Variants in MYL4 observed in about 807,000 individuals in gnomAD.
MYL4 encodes the protein atrial myosin light chain 1.
In MYL4, 16 loss-of-function variants were observed where a neutral mutation model predicts 21.6. That is an observed-to-expected ratio of 0.74 (90% CI 0.50 to 1.12). The LOEUF (loss-of-function observed/expected upper bound fraction) is 1.12. MYL4 is among the 50% of genes most tolerant of loss of function. The pLI, the probability that MYL4 is intolerant of heterozygous loss-of-function variation, is 0.00. For synonymous variants in MYL4, 82 were observed against 95.7 expected, an observed-to-expected ratio of 0.86 and a Z score of 0.83; for missense variants, 249 against 252.9, an observed-to-expected ratio of 0.98 and a Z score of 0.11.
the MYL4 span, among the ~76,000 whole-genome samples, chr17:47,190,619 G>C: frequency 0.081 from 12,325 of 152,136 alleles, 575 homozygotes; most frequent in African/African-American, 0.11. Flanking sequence ...CCACCGCCTT[G>C]TCTTGTCACT....
chr17:47,210,596 G>T lies in MYL4; in HGVS notation c.135+1039G>T, dbSNP rs139344140. On this transcript the variant is annotated intron_variant, in intron 1 of 6. Transcript: ENST00000393450. Reference sequence around the variant, plus strand: ...AAATAAGAGCACAGGACAAGGTTCTGTGACAAGCAGGCAGGGAAATTAAAA... The same window carrying T: ...AAATAAGAGCACAGGACAAGGTTCTTTGACAAGCAGGCAGGGAAATTAAAA... Among the ~76,000 whole-genome samples the T allele has an allele frequency of 2.8e-3, 429 of 152,222 alleles. 1 individual carries two copies. Among genetic ancestry groups the T allele is most frequent in the Non-Finnish European group, 4.7e-3 (317 of 68,010 alleles).
chr17:47,210,731 A>AGGAGTTAAGGT (rs6146076), intron 1 of MYL4, among the ~76,000 whole-genome samples: 101,574 of 151,622 alleles, frequency 0.67, 34,539 homozygotes, highest in East Asian at 0.86. Context: ...CGCAAGGGAC[A>AGGAGTTAAGGT]GGAACTGCTT....
downstream of MYL4, among the ~76,000 whole-genome samples, chr17:47,224,615 GAC>G (rs1297735164): frequency 6.6e-6 from 1 of 152,166 alleles, no homozygotes; most frequent in Non-Finnish European, 1.5e-5. Context: ...AGTGAAATCA[GAC>G]AGTGTTTGTC....
intron 5 of MYL4, 121 bp from the exon 6 acceptor site, chr17:47,222,893 A>G: frequency 8.0e-7 from 1 of 1,244,580 alleles, no homozygotes; most frequent in Non-Finnish European, 1.2e-6. Context: ...AGCAGGAACT[A>G]CACAGTCTGG....
chr17:47,194,274 G>A, the MYL4 span, among the ~76,000 whole-genome samples: 1 of 152,162 alleles, frequency 6.6e-6, no homozygotes, highest in Non-Finnish European at 1.5e-5. Context: ...TTGCCCAAAA[G>A]ATTAGATAAG....
intron 1 of MYL4, among the ~76,000 whole-genome samples, chr17:47,211,698 C>A (rs1267304876): frequency 6.6e-6 from 1 of 152,138 alleles, no homozygotes; most frequent in Non-Finnish European, 1.5e-5. Context: ...ACTGCCCCAA[C>A]CTATCCCCAG....
chr17:47,219,879 G>A (rs2064841727), intron 2 of MYL4, 25 bp from the exon 3 acceptor site: 13 of 1,614,194 alleles, frequency 8.1e-6, no homozygotes, highest in Non-Finnish European at 1.1e-5. Flanking sequence ...GGATTGGAAG[G>A]TATAGCTGGG....
chr17:47,221,258 A>G (rs1363818629), intron 3 of MYL4, among the ~76,000 whole-genome samples: 1 of 152,064 alleles, frequency 6.6e-6, no homozygotes, highest in Non-Finnish European at 1.5e-5. Flanking sequence ...TGCTTTTTTC[A>G]ATCCTGTTGG....
intron 2 of MYL4, among the ~76,000 whole-genome samples, chr17:47,219,224 G>A (rs1337399347): frequency 6.6e-6 from 1 of 152,230 alleles, no homozygotes; most frequent in South Asian, 2.1e-4. Flanking sequence ...CTTTCCAGCG[G>A]TCTTATCACT....
At chr17:47,209,093 T>A (rs1033678406), upstream of MYL4, 5 of 444,036 alleles carry the variant, frequency 1.1e-5, no homozygotes, top group African/African-American at 1.0e-4. Flanking sequence ...TTTGAGAAGG[T>A]CTGTTTCCCT....
chr17:47,217,916 C>A (rs1045399468), intron 2 of MYL4, among the ~76,000 whole-genome samples: 13 of 152,036 alleles, frequency 8.6e-5, no homozygotes, highest in Admixed American at 8.5e-4. Context: ...GCCTGTAATG[C>A]CTGTAATCCT....
intron 1 of MYL4, 59 bp downstream of exon 1, chr17:47,209,616 C>G (rs1343772716): frequency 1.2e-6 from 2 of 1,613,722 alleles, no homozygotes; most frequent in Admixed American, 3.3e-5. Context: ...TCCTTTTGCT[C>G]TGGAGCTTAG....
At chr17:47,208,553 A>G (rs1043829227), upstream of MYL4, among the ~76,000 whole-genome samples, 29 of 44,616 alleles carry the variant, frequency 6.5e-4, no homozygotes, top group Admixed American at 4.3e-3. Context: ...TAAGCACTAC[A>G]CACACACACA....
At chr17:47,214,658 C>G (rs1598655120) in intron 2 of MYL4, among the ~76,000 whole-genome samples, 1 of 152,224 alleles carries the variant, frequency 6.6e-6, no homozygotes, top group African/African-American at 2.4e-5. Flanking sequence ...AATAAAAATC[C>G]TTTTTTTCCA....
chr17:47,219,784 A>C, intron 2 of MYL4, 120 bp from the exon 3 acceptor site: 4 of 1,274,828 alleles, frequency 3.1e-6, no homozygotes, highest in Non-Finnish European at 4.5e-6. Context: ...GACAAAGCGA[A>C]ATATTGGGAT....
At chr17:47,202,663 G>A (rs569955143) in intron 1 of MYL4, among the ~76,000 whole-genome samples, 9 of 151,518 alleles carry the variant, frequency 5.9e-5, no homozygotes, top group South Asian at 4.3e-4. Context: ...TCATTAACAC[G>A]AAATTCAAAG....
chr17:47,200,837 C>G (rs1459757733), intron 1 of MYL4, among the ~76,000 whole-genome samples: 1 of 152,204 alleles, frequency 6.6e-6, no homozygotes, highest in Non-Finnish European at 1.5e-5. Flanking sequence ...GCATTCTCCA[C>G]CTATGCTAAA....
intron 2 of MYL4, among the ~76,000 whole-genome samples, chr17:47,216,642 C>T: frequency 6.6e-6 from 1 of 151,826 alleles, no homozygotes; most frequent in African/African-American, 2.4e-5. Flanking sequence ...TATTACCTTC[C>T]TCTTCAGGTT....
chr17:47,207,039 G>C (rs998482721), upstream of MYL4, among the ~76,000 whole-genome samples: 11 of 152,276 alleles, frequency 7.2e-5, no homozygotes, highest in African/African-American at 2.6e-4. Flanking sequence ...GCGAGCGAAG[G>C]TACAAGGAAT....
Sources: gnomAD v4.1 joint callset for allele counts (sites outside exome capture counted in the v4.1 genomes callset) on GRCh38, gnomAD v4.1.1 for gene constraint, MANE v1.5 for transcripts, NCBI Gene and HGNC (gene_info 2026-07-23, HGNC 2026-07-21) for gene names.